BLTP1: variants seen among roughly 807,000 people sequenced by gnomAD.
The protein encoded by BLTP1 is bridge-like lipid transfer protein family member 1, also known as fragile site-associated protein.
chr4:122,214,863 G>C, the BLTP1 span, among the ~76,000 whole-genome samples: 1 of 151,878 alleles, frequency 6.6e-6, no homozygotes, highest in Non-Finnish European at 1.5e-5. Flanking sequence ...CTGCCCACCT[G>C]GGCCTCCTGA....
the BLTP1 span, chr4:122,267,051 A>AGTTTTTTTTT: frequency 7.2e-6 from 1 of 138,564 alleles, no homozygotes; most frequent in Non-Finnish European, 1.3e-5. Context: ...TAAGGAAGTA[A>AGTTTTTTTTT]TTTTTTTTTT....
At chr4:122,262,391 A>G in the BLTP1 span, among the ~76,000 whole-genome samples, 1 of 152,120 alleles carries the variant, frequency 6.6e-6, no homozygotes, top group Non-Finnish European at 1.5e-5. Context: ...CTCCTTAGGT[A>G]TGAATAGTGC....
chr4:122,197,969 G>C, the BLTP1 span: 1 of 984,656 alleles, frequency 1.0e-6, no homozygotes, highest in African/African-American at 1.7e-5. Flanking sequence ...TGAGAGTAAA[G>C]AGTAGCAACT....
At chr4:122,343,018 T>C in the BLTP1 span, among the ~76,000 whole-genome samples, 1 of 152,212 alleles carries the variant, frequency 6.6e-6, no homozygotes, top group Non-Finnish European at 1.5e-5. Flanking sequence ...CCTACTGAAA[T>C]GTGGACTCCA....
At chr4:122,187,498 G>A in the BLTP1 span, 24 of 1,612,004 alleles carry the variant, frequency 1.5e-5, no homozygotes, top group Non-Finnish European at 2.0e-5. Context: ...AGTCATAAAG[G>A]TCAATGTGAG....
the BLTP1 span, chr4:122,219,238 A>T: frequency 6.7e-7 from 1 of 1,490,714 alleles, no homozygotes; most frequent in African/African-American, 1.4e-5. Context: ...TATTAAATAT[A>T]ATAGGTTAAG....
At chr4:122,167,862 G>A in the BLTP1 span, 11 of 985,286 alleles carry the variant, frequency 1.1e-5, no homozygotes, top group African/African-American at 1.7e-4. Flanking sequence ...AAGGGTAGAG[G>A]AAGAGGAAAC....
chr4:122,301,410 T>C, the BLTP1 span: 2 of 1,478,416 alleles, frequency 1.4e-6, no homozygotes, highest in Non-Finnish European at 1.8e-6. Flanking sequence ...AACATAAATA[T>C]AATGATACTT....
chr4:122,239,735 T>G, the BLTP1 span: 1 of 1,614,182 alleles, frequency 6.2e-7, no homozygotes, highest in Non-Finnish European at 8.5e-7. Context: ...GTGATGAGAA[T>G]GTACTAGACT....
chr4:122,254,700 A>C, the BLTP1 span: 1 of 1,248,950 alleles, frequency 8.0e-7, no homozygotes, highest in East Asian at 2.9e-5. Context: ...AAAAGAAATT[A>C]ATTTTGCCTG....
At chr4:122,243,507 A>G in the BLTP1 span, 1 of 856,370 alleles carries the variant, frequency 1.2e-6, no homozygotes, top group Middle Eastern at 5.9e-4. Flanking sequence ...TTGGGAGGCC[A>G]TGGCTGGCAG....
chr4:122,271,163 C>T, the BLTP1 span: 10 of 1,613,724 alleles, frequency 6.2e-6, no homozygotes, highest in East Asian at 2.2e-5. Context: ...TCTCAGCAAG[C>T]GGTATTATAA....
At chr4:122,316,809 T>A in the BLTP1 span, 2 of 1,613,028 alleles carry the variant, frequency 1.2e-6, no homozygotes, top group Admixed American at 3.3e-5. Context: ...TTATGAAGCG[T>A]ATAGTGGATA....
chr4:122,199,350 T>G, the BLTP1 span: 1 of 1,609,926 alleles, frequency 6.2e-7, no homozygotes, highest in Non-Finnish European at 8.5e-7. Flanking sequence ...TTTATGTTTT[T>G]ATTATTAGGT....
At chr4:122,275,953 CT>C in the BLTP1 span, 1 of 1,526,680 alleles carries the variant, frequency 6.6e-7, no homozygotes, top group East Asian at 2.4e-5. Flanking sequence ...CCCACTTTCT[CT>C]TGACTCTTCA....
chr4:122,198,631 A>G, the BLTP1 span, among the ~76,000 whole-genome samples: 1 of 152,134 alleles, frequency 6.6e-6, no homozygotes, highest in African/African-American at 2.4e-5. Context: ...ACCACAGCAT[A>G]CTTGTTGTGG....
the BLTP1 span, chr4:122,207,661 T>C: frequency 1.3e-6 from 2 of 1,507,634 alleles, no homozygotes; most frequent in Non-Finnish European, 1.8e-6. Flanking sequence ...GAATGCATTA[T>C]TTATTCCACA....
the BLTP1 span, among the ~76,000 whole-genome samples, chr4:122,285,757 A>G: frequency 1.3e-5 from 2 of 152,202 alleles, no homozygotes; most frequent in Admixed American, 1.3e-4. Context: ...GAAGAATATC[A>G]GTAGATTTTG....
chr4:122,301,217 T>C, the BLTP1 span: 3 of 1,397,898 alleles, frequency 2.1e-6, no homozygotes, highest in South Asian at 1.5e-5. Context: ...GAAAATATTT[T>C]GTGAGGATTT....
Sources: allele counts gnomAD v4.1 joint callset (sites outside exome capture counted in the v4.1 genomes callset), GRCh38; gene constraint gnomAD v4.1.1; transcripts MANE v1.5; gene names NCBI Gene and HGNC (gene_info 2026-07-23, HGNC 2026-07-21).